NLRP2B: variants seen among roughly 807,000 people sequenced by gnomAD.
NLRP2B encodes NLR family pyrin domain containing 2B, also known as NLR family pyrin domain-containing protein 2B.
For missense variants in NLRP2B, 25 were observed against 6.8 expected (o/e 3.70, Z -3.00); for synonymous variants, 16 against 3.5 (o/e 4.63, Z -4.03).
rs760487173 is a variant in NLRP2B at position 57,677,282 on chromosome X, G to A, written c.*2841C>T. On this transcript the variant is annotated 3_prime_UTR_variant, in exon 1 of 1. Coordinates refer to ENST00000434992, the MANE Select transcript of NLRP2B (RefSeq NM_001319967.1). ...ATCTTTACTCCACTAGACCCCAAGG[G>A]ATTCTGGCTCAGGTCCAGAACGACG... 1.9e-4 allele frequency: 73 copies of A among 386,924 alleles called. No homozygotes were observed. Among genetic ancestry groups the A allele is most frequent in the African/African-American group, 1.5e-3 (59 of 38,979 alleles). The allele number at this position is 386,924 out of a possible 1,213,427, so 31.9% of individuals were successfully genotyped here.
Position 57,679,414 on chromosome X carries a change from A to G in NLRP2B, c.*709T>C. The G allele has an allele frequency of 1.1e-6, 1 of 928,670 alleles. No individual in the cohort carries two copies. The highest frequency in any genetic ancestry group is 2.2e-5 in the Admixed American group (1 of 45,242). 76.5% of individuals were successfully genotyped at this position (928,670 alleles called of 1,213,427 possible). The stretch of plus-strand genomic sequence containing the variant: ...CTCATCAAAGCCGTCGACCACGAAC[A>G]GGATTTTCTGTGCTTGGGCTAGGAT... On this transcript the variant is annotated 3_prime_UTR_variant, in exon 1 of 1. Coordinates refer to ENST00000434992, the MANE Select transcript of NLRP2B (RefSeq NM_001319967.1).
At position 57,680,158 on chromosome X, in the gene NLRP2B, G is replaced by C. The variant is rs1024756400; in HGVS notation, c.103C>G (p.Leu35Val). Residue 35 changes from leucine (L) to valine (V), a missense_variant, in exon 1 of 1, where the codon CTG becomes GTG. Coordinates refer to ENST00000434992, the MANE Select transcript of NLRP2B (RefSeq NM_001319967.1). ...GGGATCTTTTGCAGCTCATTTCCCA[G>C]GGAGACGGTCCTGATCAGAGACTTG... is the stretch of plus-strand genomic sequence containing the variant. The part of the protein sequence containing the change: ...KFKSLIRTVS[L>V]GNELQKIPQT 1.6e-5 allele frequency: 7 copies of C among 424,596 alleles called. No homozygotes were observed. The Admixed American group carries it at 2.4e-4, about 14-fold the overall frequency. The allele number at this position is 424,596 out of a possible 1,213,427, so 35.0% of individuals were successfully genotyped here. A position where few individuals can be genotyped will look rare whatever the true frequency, so the allele number is the denominator to read the frequency against.
chrX:57,678,416 C>T lies in NLRP2B; in HGVS notation c.*1707G>A. The T allele has an allele frequency of 1.9e-6, 1 of 522,022 alleles. No homozygotes were observed. Among genetic ancestry groups the T allele is most frequent in the East Asian group, 3.6e-5 (1 of 27,895 alleles). The allele number at this position is 522,022 out of a possible 1,213,427, so 43.0% of individuals were successfully genotyped here. On this transcript the variant is annotated 3_prime_UTR_variant, in exon 1 of 1. Coordinates refer to ENST00000434992, the MANE Select transcript of NLRP2B (RefSeq NM_001319967.1). ...GGAGCCATCACTCCCTTCACCAGCT[C>T]CTCCTCCTGAGACTCGTACAGACAG...
rs1331397877 is a variant in NLRP2B, at chrX:57,678,151, A to G, written c.*1972T>C. 1.4e-5 allele frequency: 7 copies of G among 488,845 alleles called. No homozygotes were observed. Among genetic ancestry groups the G allele is most frequent in the Non-Finnish European group, 2.6e-5 (7 of 270,606 alleles). 40.3% of individuals were successfully genotyped at this position (488,845 alleles called of 1,213,427 possible). On this transcript the variant is annotated 3_prime_UTR_variant, in exon 1 of 1. Transcript: ENST00000434992. ...ACCAAGAAAGCTATTATTGATTTCT[A>G]GAATGATCAGATCCTTATTTGAGCC...
chrX:57,678,621 G>T lies in NLRP2B; in HGVS notation c.*1502C>A. On this transcript the variant is annotated 3_prime_UTR_variant, in exon 1 of 1. Coordinates refer to ENST00000434992, the MANE Select transcript of NLRP2B (RefSeq NM_001319967.1). ...AGAAGTGTCTTGCTTGGATCAGGTC[G>T]GGGTTCTTGAGTCTTTCTTCTCTAG... 2.2e-6 allele frequency: 1 copy of T among 453,727 alleles called. No individual in the cohort carries two copies. Among genetic ancestry groups the T allele is most frequent in the Non-Finnish European group, 4.0e-6 (1 of 247,011 alleles). The allele number at this position is 453,727 out of a possible 1,213,427, so 37.4% of individuals were successfully genotyped here.
rs182866825 is a variant in NLRP2B, at chrX:57,679,216, G to A, written c.*907C>T. Reference sequence around the variant, plus strand: ...TCCTCCACCCTTACATAGATCGGCCGCTCCACCAACAGCCGGAGGTCTCTC... The same window carrying A: ...TCCTCCACCCTTACATAGATCGGCCACTCCACCAACAGCCGGAGGTCTCTC... On this transcript the variant is annotated 3_prime_UTR_variant, in exon 1 of 1. Transcript: ENST00000434992. The A allele has an allele frequency of 3.4e-4, 155 of 450,371 alleles. No individual in the cohort carries two copies. Among genetic ancestry groups the A allele is most frequent in the African/African-American group, 2.7e-3 (110 of 41,477 alleles). 37.1% of individuals were successfully genotyped at this position (450,371 alleles called of 1,213,427 possible). A position where few individuals can be genotyped will look rare whatever the true frequency, so the allele number is the denominator to read the frequency against.
Position 57,678,460 on chromosome X carries a change from T to C in NLRP2B, c.*1663A>G, listed in dbSNP as rs964629648. On this transcript the variant is annotated 3_prime_UTR_variant, in exon 1 of 1. Transcript: ENST00000434992. ...CAGACAGCACAAGAGCTCCTTCGGG[T>C]TCATCATTGTTGAGTGTCCAACCTT... is the stretch of plus-strand genomic sequence containing the variant. 17 of 516,624 alleles carry C rather than the reference T, an allele frequency of 3.3e-5. No individual in the cohort carries two copies. The highest frequency in any genetic ancestry group is 6.0e-5 in the Non-Finnish European group (17 of 280,999). The allele number at this position is 516,624 out of a possible 1,213,427, so 42.6% of individuals were successfully genotyped here.
rs184153001 is a variant in NLRP2B, at chrX:57,678,005, C to T, written c.*2118G>A. The stretch of plus-strand genomic sequence containing the variant: ...GTCAGATATCTTACAGTCTTGTGAC[C>T]TCAAAGAGCTAGGCAGAGGTTCCGA... On this transcript the variant is annotated 3_prime_UTR_variant, in exon 1 of 1. Transcript: ENST00000434992. 4 of 471,123 alleles carry T rather than the reference C, an allele frequency of 8.5e-6. No homozygotes were observed. Among genetic ancestry groups the T allele is most frequent in the Non-Finnish European group, 1.5e-5 (4 of 258,781 alleles). The allele number at this position is 471,123 out of a possible 1,213,427, so 38.8% of individuals were successfully genotyped here. A position where few individuals can be genotyped will look rare whatever the true frequency, so the allele number is the denominator to read the frequency against.
Position 57,679,554 on chromosome X carries a change from C to A in NLRP2B, c.*569G>T. 2 of 595,498 alleles carry A rather than the reference C, an allele frequency of 3.4e-6. No homozygotes were observed. The highest frequency in any genetic ancestry group is 5.2e-5 in the South Asian group (2 of 38,747). 49.1% of individuals were successfully genotyped at this position (595,498 alleles called of 1,213,427 possible). ...TGAGGTAGAAAGCCTATCTAAATTT[C>A]TGGCTGAGGTTGTCCTCTGCCCAGT... On this transcript the variant is annotated 3_prime_UTR_variant, in exon 1 of 1. Transcript: ENST00000434992.
In NLRP2B at chrX:57,678,740, C is replaced by T; in HGVS notation, c.*1383G>A. The T allele has an allele frequency of 2.5e-6, 1 of 404,094 alleles. No individual in the cohort carries two copies. Among genetic ancestry groups the T allele is most frequent in the Non-Finnish European group, 4.6e-6 (1 of 216,791 alleles). The allele number at this position is 404,094 out of a possible 1,213,427, so 33.3% of individuals were successfully genotyped here. On this transcript the variant is annotated 3_prime_UTR_variant, in exon 1 of 1. Coordinates refer to ENST00000434992, the MANE Select transcript of NLRP2B (RefSeq NM_001319967.1). ...TCCTTCTCCAGGGCGTGGAACAGCA[C>T]AGTGAAAAACTGCTGGAAGCTGAGG... is the stretch of plus-strand genomic sequence containing the variant.
rs1272975405 is a variant in NLRP2B at position 57,679,370 on chromosome X, C to A, written c.*753G>T. The A allele has an allele frequency of 2.8e-6, 2 of 704,844 alleles. No homozygotes were observed. The highest frequency in any genetic ancestry group is 4.6e-5 in the Admixed American group (2 of 43,755). The allele number at this position is 704,844 out of a possible 1,213,427, so 58.1% of individuals were successfully genotyped here. On this transcript the variant is annotated 3_prime_UTR_variant, in exon 1 of 1. Transcript: ENST00000434992. ...TCCCCACAGATGTCCTAGATCAGTG[C>A]CCCAGGTGGGGCTCCCAGCTCATCA...
rs1269195010 is a variant in NLRP2B, at chrX:57,677,551, A to G, written c.*2572T>C. 6.4e-6 allele frequency: 2 copies of G among 313,369 alleles called. No individual in the cohort carries two copies. 25.8% of individuals were successfully genotyped at this position (313,369 alleles called of 1,213,427 possible). On this transcript the variant is annotated 3_prime_UTR_variant, in exon 1 of 1. Transcript: ENST00000434992. Reference sequence around the variant, plus strand: ...GCTAGTTATGTCGCAGTCCCACAGCACCAGGGTCTGTAGTTTACAATGGGG... The same window carrying G: ...GCTAGTTATGTCGCAGTCCCACAGCGCCAGGGTCTGTAGTTTACAATGGGG...
In NLRP2B at chrX:57,679,265, C is replaced by T. The variant is rs1007264495; in HGVS notation, c.*858G>A. 9 of 463,394 alleles carry T rather than the reference C, an allele frequency of 1.9e-5. No individual in the cohort carries two copies. The highest frequency in any genetic ancestry group is 3.1e-5 in the Non-Finnish European group (8 of 255,990). 38.2% of individuals were successfully genotyped at this position (463,394 alleles called of 1,213,427 possible). On this transcript the variant is annotated 3_prime_UTR_variant, in exon 1 of 1. Transcript: ENST00000434992. Reference sequence around the variant, plus strand: ...TCAGGGCCCGCAGGCCACGTGGTGACCAGCACGGCGGCCCTGGGTAAAATC... The same window carrying T: ...TCAGGGCCCGCAGGCCACGTGGTGATCAGCACGGCGGCCCTGGGTAAAATC...
chrX:57,679,382 C>A lies in NLRP2B; in HGVS notation c.*741G>T. ...TCCTAGATCAGTGCCCCAGGTGGGGCTCCCAGCTCATCAAAGCCGTCGACC... is the reference window on the plus strand; with the variant it reads ...TCCTAGATCAGTGCCCCAGGTGGGGATCCCAGCTCATCAAAGCCGTCGACC... On this transcript the variant is annotated 3_prime_UTR_variant, in exon 1 of 1. Transcript: ENST00000434992. 1.3e-6 allele frequency: 1 copy of A among 796,368 alleles called. No homozygotes were observed. The highest frequency in any genetic ancestry group is 1.9e-6 in the Non-Finnish European group (1 of 524,865). 65.6% of individuals were successfully genotyped at this position (796,368 alleles called of 1,213,427 possible). A position where few individuals can be genotyped will look rare whatever the true frequency, so the allele number is the denominator to read the frequency against.
At position 57,680,154 on chromosome X, in the gene NLRP2B, C is replaced by A. The variant is rs1012074026; in HGVS notation, c.107G>T (p.Gly36Val). 3 of 425,902 alleles carry A rather than the reference C, an allele frequency of 7.0e-6. No homozygotes were observed. Among genetic ancestry groups the A allele is most frequent in the African/African-American group, 5.1e-5 (2 of 39,429 alleles). 35.1% of individuals were successfully genotyped at this position (425,902 alleles called of 1,213,427 possible). The part of the protein sequence containing the change: ...FKSLIRTVSL[G>V]NELQKIPQT ...CTGGGGGATCTTTTGCAGCTCATTT[C>A]CCAGGGAGACGGTCCTGATCAGAGA... The change falls in exon 1 of 1, where the codon GGA becomes GTA. Residue 36 changes from glycine to valine, a missense_variant. Transcript: ENST00000434992.
In NLRP2B at chrX:57,677,622, TG is replaced by T. The variant is rs370212038; in HGVS notation, c.*2500del. The T allele has an allele frequency of 3.2e-6, 1 of 308,131 alleles. No individual in the cohort carries two copies. The highest frequency in any genetic ancestry group is 6.2e-6 in the Non-Finnish European group (1 of 160,340). The allele number at this position is 308,131 out of a possible 1,213,427, so 25.4% of individuals were successfully genotyped here. On this transcript the variant is annotated 3_prime_UTR_variant, in exon 1 of 1. Transcript: ENST00000434992. ...GAAACATCACCCATGTATCCCCGAG[TG>T]GGGGGTTCTTGGCCAAGCACAGGTG...
Position 57,680,015 on chromosome X carries a change from C to T in NLRP2B, c.*108G>A, listed in dbSNP as rs762763013. On this transcript the variant is annotated 3_prime_UTR_variant, in exon 1 of 1. Coordinates refer to ENST00000434992, the MANE Select transcript of NLRP2B (RefSeq NM_001319967.1). ...CATCCTTTACTTTCTCAGACAGATCCGCTCGGTGCATCTTTTCAAAGACCT... is the reference window on the plus strand; with the variant it reads ...CATCCTTTACTTTCTCAGACAGATCTGCTCGGTGCATCTTTTCAAAGACCT... The T allele has an allele frequency of 2.1e-4, 72 of 348,872 alleles. No homozygotes were observed. The highest frequency in any genetic ancestry group is 8.2e-4 in the Middle Eastern group (2 of 2,448). The allele number at this position is 348,872 out of a possible 1,213,427, so 28.8% of individuals were successfully genotyped here. A position where few individuals can be genotyped will look rare whatever the true frequency, so the allele number is the denominator to read the frequency against.
rs1250192383 is a variant in NLRP2B at position 57,679,236 on chromosome X, T to C, written c.*887A>G. The C allele has an allele frequency of 8.9e-6, 4 of 451,053 alleles. No individual in the cohort carries two copies. The highest frequency in any genetic ancestry group is 1.6e-5 in the Non-Finnish European group (4 of 246,701). The allele number at this position is 451,053 out of a possible 1,213,427, so 37.2% of individuals were successfully genotyped here. ...CGGCCGCTCCACCAACAGCCGGAGG[T>C]CTCTCAGGGCCCGCAGGCCACGTGG... On this transcript the variant is annotated 3_prime_UTR_variant, in exon 1 of 1. Transcript: ENST00000434992.
In NLRP2B at chrX:57,678,023, G is replaced by A. The variant is rs2011724427; in HGVS notation, c.*2100C>T. The A allele has an allele frequency of 6.4e-6, 3 of 471,007 alleles. No individual in the cohort carries two copies. The highest frequency in any genetic ancestry group is 3.0e-5 in the Admixed American group (1 of 32,831). The allele number at this position is 471,007 out of a possible 1,213,427, so 38.8% of individuals were successfully genotyped here. The stretch of plus-strand genomic sequence containing the variant: ...TTGTGACCTCAAAGAGCTAGGCAGA[G>A]GTTCCGATAAGCATCAGCTGGTGAA... On this transcript the variant is annotated 3_prime_UTR_variant, in exon 1 of 1. Transcript: ENST00000434992.
Sources: allele counts gnomAD v4.1 joint callset, GRCh38; gene constraint gnomAD v4.1.1; transcripts MANE v1.5; gene names NCBI Gene and HGNC (gene_info 2026-07-23, HGNC 2026-07-21).